Variants in ELAPOR1 observed in about 807,000 individuals in gnomAD.
ELAPOR1 encodes endosome/lysosome-associated apoptosis and autophagy regulator 1.
ELAPOR1 carries 77 observed loss-of-function variants against 119.7 expected under a neutral mutation model. The observed-to-expected ratio is 0.64, with a 90% CI of 0.54 to 0.78. ELAPOR1 has a LOEUF of 0.78. Among genes scored for constraint, ELAPOR1 ranks in the 30% least tolerant of loss-of-function variants. ELAPOR1 has a pLI of 0.00. For synonymous variants in ELAPOR1, 481 were observed against 487.2 expected, an observed-to-expected ratio of 0.99 and a Z score of 0.17; for missense variants, 1,115 against 1,270.4, an observed-to-expected ratio of 0.88 and a Z score of 1.86.
intron 3 of ELAPOR1, among the ~76,000 whole-genome samples, chr1:109,171,473 A>G (rs1419628379): frequency 2.0e-5 from 3 of 151,294 alleles, no homozygotes; most frequent in African/African-American, 7.3e-5. Flanking sequence ...AATTGCTTGA[A>G]CCCGGGAGGC....
intron 7 of ELAPOR1, among the ~76,000 whole-genome samples, chr1:109,182,596 G>A (rs1046638137): frequency 2.0e-5 from 3 of 151,968 alleles, no homozygotes; most frequent in Non-Finnish European, 4.4e-5. Flanking sequence ...GGCCGGGAGC[G>A]GTGGCTCACA....
At position 109,175,826 on chromosome 1, in the gene ELAPOR1, CAAAAAAAAAAA is replaced by C. The variant is rs55824923; in HGVS notation, c.952+2004_952+2014del. ...TGGGTGATAGAGCGAGACTCAGTCT[CAAAAAAAAAAA>C]AAAAAAAAAAAAAAGATTATAACAT... On this transcript the variant is annotated intron_variant, in intron 7 of 21. Transcript: ENST00000369939. 7.8e-4 allele frequency among the ~76,000 whole-genome samples: 69 copies of C among 88,446 alleles called. 1 individual carries two copies. Among genetic ancestry groups the C allele is most frequent in the South Asian group, 6.4e-3 (16 of 2,516 alleles). 58.0% of individuals were successfully genotyped at this position (88,446 alleles called of 152,430 possible). A position where few individuals can be genotyped will look rare whatever the true frequency, so the allele number is the denominator to read the frequency against.
intron 1 of ELAPOR1, among the ~76,000 whole-genome samples, chr1:109,150,259 C>T (rs1188261251): frequency 6.6e-6 from 1 of 152,182 alleles, no homozygotes; most frequent in Non-Finnish European, 1.5e-5. Flanking sequence ...GGACCAGTTG[C>T]TGTCTCTGCG....
At chr1:109,192,533 C>G (rs2101116607) in intron 13 of ELAPOR1, 78 bp from the exon 14 acceptor site, 1 of 1,446,592 alleles carries the variant, frequency 6.9e-7, no homozygotes, top group African/African-American at 1.4e-5. Context: ...GATTAAGTAC[C>G]TTGCTCTTTC....
intron 1 of ELAPOR1, among the ~76,000 whole-genome samples, chr1:109,130,367 A>T (rs1003751740): frequency 6.6e-6 from 1 of 152,172 alleles, no homozygotes; most frequent in African/African-American, 2.4e-5. Context: ...GGAGTGGTTA[A>T]GGAGAGCTTC....
intron 1 of ELAPOR1, among the ~76,000 whole-genome samples, chr1:109,124,355 C>T (rs1301568866): frequency 6.6e-6 from 1 of 152,128 alleles, no homozygotes; most frequent in Non-Finnish European, 1.5e-5. Context: ...CTCGGCCTCC[C>T]AAGTAGCTGG....
At chr1:109,132,875 A>G (rs1387958135) in intron 1 of ELAPOR1, among the ~76,000 whole-genome samples, 1 of 152,216 alleles carries the variant, frequency 6.6e-6, no homozygotes, top group East Asian at 1.9e-4. Flanking sequence ...TTCGGTTTTT[A>G]GGAAATACCT....
At chr1:109,185,593 G>T (rs555795159) in intron 8 of ELAPOR1, among the ~76,000 whole-genome samples, 2 of 152,128 alleles carry the variant, frequency 1.3e-5, no homozygotes, top group Non-Finnish European at 2.9e-5. Context: ...CTTCAGAAAA[G>T]AACTTTCCCT....
At chr1:109,179,409 CAAAAAAAAAA>C (rs773712424) in intron 7 of ELAPOR1, among the ~76,000 whole-genome samples, 3 of 50,450 alleles carry the variant, frequency 5.9e-5, no homozygotes, top group African/African-American at 2.2e-4. Context: ...ACTCTGTCTC[CAAAAAAAAAA>C]AAAAAAAAAA....
chr1:109,201,430 C>T (rs1654169417), intron 21 of ELAPOR1: 3 of 451,466 alleles, frequency 6.6e-6, no homozygotes, highest in Middle Eastern at 3.8e-4. Flanking sequence ...GAGTATGAAG[C>T]TTATAAATGC....
At chr1:109,192,507 G>T in intron 13 of ELAPOR1, 104 bp from the exon 14 acceptor site, 1 of 1,197,206 alleles carries the variant, frequency 8.4e-7, no homozygotes. Flanking sequence ...TTCTTCTTAA[G>T]TATCACAGGA....
At chr1:109,183,501 C>T (rs1210063298) in intron 7 of ELAPOR1, among the ~76,000 whole-genome samples, 3 of 152,158 alleles carry the variant, frequency 2.0e-5, no homozygotes, top group Admixed American at 2.0e-4. Flanking sequence ...GGAGAACATG[C>T]AGAGAGCAGA....
intron 1 of ELAPOR1, among the ~76,000 whole-genome samples, chr1:109,159,127 C>T (rs543281782): frequency 2.0e-4 from 30 of 152,250 alleles, no homozygotes; most frequent in Non-Finnish European, 2.1e-4. Flanking sequence ...CTCCTGACCT[C>T]AGGTGATCCA....
At chr1:109,144,050 TATATTTATATA>T (rs1650002137) in intron 1 of ELAPOR1, among the ~76,000 whole-genome samples, 1 of 50,492 alleles carries the variant, frequency 2.0e-5, no homozygotes, top group Admixed American at 2.0e-4. Context: ...TATATATATA[TATATTTATATA>T]TTTTTTTTTT....
At chr1:109,149,675 T>C (rs888218499) in intron 1 of ELAPOR1, among the ~76,000 whole-genome samples, 1 of 152,072 alleles carries the variant, frequency 6.6e-6, no homozygotes, top group African/African-American at 2.4e-5. Flanking sequence ...AAAACAAAGA[T>C]CTGTGTTCTG....
chr1:109,135,935 G>T (rs1649441250), intron 1 of ELAPOR1, among the ~76,000 whole-genome samples: 1 of 152,108 alleles, frequency 6.6e-6, no homozygotes, highest in Admixed American at 6.5e-5. Flanking sequence ...GGACCATGAG[G>T]GATGCCCAAT....
At position 109,192,764 on chromosome 1, in the gene ELAPOR1, C is replaced by A; in HGVS notation, c.1837C>A (p.Arg613=). 1 of 1,613,940 alleles carries A rather than the reference C, an allele frequency of 6.2e-7. No individual in the cohort carries two copies. Residue 613 remains arginine (R), a synonymous_variant, in exon 14 of 22, where the codon CGA becomes AGA. Transcript: ENST00000369939. ...TTGTCCTGCTGGTTACTATATTGACCGAGATTCAGGAACCTGCCACTCCTG... is the reference window on the plus strand; with the variant it reads ...TTGTCCTGCTGGTTACTATATTGACAGAGATTCAGGAACCTGCCACTCCTG... The part of the protein sequence containing the change: ...TSCPAGYYID[R]DSGTCHSCPT...
At chr1:109,197,851 C>G in intron 16 of ELAPOR1, 128 bp from the exon 17 acceptor site, 1 of 1,010,774 alleles carries the variant, frequency 9.9e-7, no homozygotes, top group East Asian at 2.4e-5. Flanking sequence ...CTTGTTTCAC[C>G]CTTTCATAAG....
intron 1 of ELAPOR1, among the ~76,000 whole-genome samples, chr1:109,121,773 CTTTT>C (rs10714498): frequency 1.5e-5 from 2 of 134,228 alleles, no homozygotes. Flanking sequence ...CTGTGTATTA[CTTTT>C]TTTTTTTTTT....
Sources: gnomAD v4.1 joint callset for allele counts (sites outside exome capture counted in the v4.1 genomes callset) on GRCh38, gnomAD v4.1.1 for gene constraint, MANE v1.5 for transcripts, NCBI Gene and HGNC (gene_info 2026-07-23, HGNC 2026-07-21) for gene names.